Variants in CUTC observed in about 807,000 individuals in gnomAD.
The protein encoded by CUTC is copper homeostasis protein cutC homolog.
CUTC carries 27 observed loss-of-function variants against 36.2 expected under a neutral mutation model. The ratio of observed to expected loss-of-function variants is 0.75; its 90% confidence interval spans 0.55 to 1.03. The LOEUF is 1.03. Among genes scored for constraint, CUTC ranks in the 50% least tolerant of loss-of-function variants. CUTC has a pLI of 0.00. For missense variants in CUTC, 315 were observed against 343.5 expected, an observed-to-expected ratio of 0.92 and a Z score of 0.66; for synonymous variants, 114 against 118.3, an observed-to-expected ratio of 0.96 and a Z score of 0.24.
chr10:99,734,189 C>T (rs2037271812), intron 1 of CUTC, among the ~76,000 whole-genome samples: 1 of 151,718 alleles, frequency 6.6e-6, no homozygotes, highest in Non-Finnish European at 1.5e-5. Flanking sequence ...CCTGCCTCAG[C>T]CTCCTGAATA....
At chr10:99,745,421 A>G (rs2037371348) in intron 5 of CUTC, among the ~76,000 whole-genome samples, 2 of 152,208 alleles carry the variant, frequency 1.3e-5, no homozygotes, top group African/African-American at 4.8e-5. Flanking sequence ...GTCCCAGAGG[A>G]CCACTACCAC....
At chr10:99,755,534 T>C in intron 8 of CUTC, 91 bp from the exon 9 acceptor site, 1 of 770,574 alleles carries the variant, frequency 1.3e-6, no homozygotes, top group Non-Finnish European at 2.2e-6. Context: ...TGACCTACCC[T>C]TGTATCATGA....
intron 6 of CUTC, among the ~76,000 whole-genome samples, chr10:99,749,364 T>A (rs930479448): frequency 3.9e-5 from 6 of 152,276 alleles, no homozygotes; most frequent in Admixed American, 3.3e-4. Flanking sequence ...CTAGAATAGT[T>A]GTGAGGGATT....
chr10:99,754,636 T>TA lies in CUTC; in HGVS notation c.707+7dup, dbSNP rs761544266. On this transcript the variant is annotated splice_region_variant and intron_variant, in intron 8 of 8. Transcript: ENST00000370476. ...TAGAGACTCGGGAATGAAGTTTCGG[T>TA]AAAAATGTATTCTTCGATTCAAATA... 24 of 1,587,844 alleles carry TA rather than the reference T, an allele frequency of 1.5e-5. No individual in the cohort carries two copies. In the African/African-American group the frequency reaches 3.2e-4, roughly 21 times the overall value.
intron 1 of CUTC, among the ~76,000 whole-genome samples, chr10:99,734,367 G>A (rs72832527): frequency 1.1e-4 from 17 of 152,220 alleles, no homozygotes; most frequent in Non-Finnish European, 2.2e-4. Context: ...GCGCCGGACA[G>A]GGACTGATAG....
chr10:99,743,922 C>G (rs1266046676), intron 4 of CUTC, 115 bp from the exon 5 acceptor site: 4 of 664,032 alleles, frequency 6.0e-6, no homozygotes, highest in Non-Finnish European at 9.7e-6. Flanking sequence ...TGTCAGTTTA[C>G]TGTCTTGTTA....
At chr10:99,746,958 G>A (rs1045696100) in intron 5 of CUTC, among the ~76,000 whole-genome samples, 2 of 151,978 alleles carry the variant, frequency 1.3e-5, no homozygotes, top group African/African-American at 4.8e-5. Flanking sequence ...TGTAGATATG[G>A]GGTCTTGCCA....
At chr10:99,751,430 G>A (rs1305548731) in intron 7 of CUTC, among the ~76,000 whole-genome samples, 5 of 152,128 alleles carry the variant, frequency 3.3e-5, no homozygotes, top group Non-Finnish European at 4.4e-5. Context: ...AGCCTCAAGC[G>A]ATCCTCCTGC....
intron 2 of CUTC, among the ~76,000 whole-genome samples, chr10:99,738,763 T>A (rs1203267408): frequency 6.6e-6 from 1 of 152,162 alleles, no homozygotes; most frequent in African/African-American, 2.4e-5. Context: ...CAGGAGGACA[T>A]AACATGTTGG....
intron 3 of CUTC, among the ~76,000 whole-genome samples, chr10:99,742,067 A>G (rs1231237541): frequency 6.6e-6 from 1 of 152,178 alleles, no homozygotes; most frequent in African/African-American, 2.4e-5. Context: ...GCTTTGGCCT[A>G]GAAACTCTCA....
chr10:99,738,494 TGTAA>T (rs1443495540), intron 2 of CUTC, among the ~76,000 whole-genome samples: 2 of 152,196 alleles, frequency 1.3e-5, no homozygotes, highest in Admixed American at 6.5e-5. Context: ...TCTTTAAATC[TGTAA>T]GTTTCTCCTG....
chr10:99,747,497 C>T, intron 6 of CUTC, 107 bp downstream of exon 6: 2 of 1,297,820 alleles, frequency 1.5e-6, no homozygotes, highest in South Asian at 2.8e-5. Context: ...TTTGTGGTTA[C>T]TCTGTAGGAA....
At chr10:99,737,199 G>A (rs1022177869) in intron 2 of CUTC, among the ~76,000 whole-genome samples, 4 of 151,828 alleles carry the variant, frequency 2.6e-5, no homozygotes, top group Non-Finnish European at 4.4e-5. Context: ...GAGTCCAGGA[G>A]GCAGAGGCTG....
chr10:99,740,407 G>T (rs191480978), intron 3 of CUTC, among the ~76,000 whole-genome samples: 1 of 144,390 alleles, frequency 6.9e-6, no homozygotes, highest in African/African-American at 2.6e-5. Context: ...AGGTATTTTT[G>T]CTGGGTATAG....
Position 99,736,181 on chromosome 10 carries a change from T to C in CUTC, c.62-65T>C, listed in dbSNP as rs114434453. ...ATTTTGGCAGCAGAATGTAAACCCTTTGTGGTAAATTGGTCTGGATGGATA... is the reference window on the plus strand; with the variant it reads ...ATTTTGGCAGCAGAATGTAAACCCTCTGTGGTAAATTGGTCTGGATGGATA... On this transcript the variant is annotated intron_variant, in intron 1 of 8. Transcript: ENST00000370476. 2.6e-4 allele frequency: 359 copies of C among 1,360,776 alleles called. No individual in the cohort carries two copies. In the African/African-American group the frequency reaches 4.2e-3, roughly 16 times the overall value. 84.3% of individuals were successfully genotyped at this position (1,360,776 alleles called of 1,614,324 possible).
Position 99,739,754 on chromosome 10 carries a change from A to G in CUTC, c.178A>G (p.Thr60Ala), listed in dbSNP as rs781062722. The change falls in exon 3 of 9, where the codon ACT becomes GCT. Residue 60 changes from threonine (T) to alanine (A), a missense_variant. By Grantham distance (58) the Thr-to-Ala change is moderately conservative (BLOSUM62 0). Transcript: ENST00000370476. Reference sequence around the variant, plus strand: ...ATGTTCTGGTTTATCAGAGGGGGGAACTACACCCAGCATGGGTAAGTGTCC... The same window carrying G: ...ATGTTCTGGTTTATCAGAGGGGGGAGCTACACCCAGCATGGGTAAGTGTCC... ...ELCSGLSEGG[T>A]TPSMGVLQVV... 6 of 1,610,912 alleles carry G rather than the reference A, an allele frequency of 3.7e-6. No individual in the cohort carries two copies. The highest frequency in any genetic ancestry group is 2.2e-5 in the South Asian group (2 of 90,328).
chr10:99,733,093 G>C (rs942096841), intron 1 of CUTC, among the ~76,000 whole-genome samples: 12 of 152,146 alleles, frequency 7.9e-5, no homozygotes, highest in African/African-American at 2.9e-4. Flanking sequence ...CAGATCATCT[G>C]AGCTCAGGAG....
intron 3 of CUTC, 32 bp downstream of exon 3, chr10:99,739,801 T>G: frequency 6.3e-7 from 1 of 1,591,618 alleles, no homozygotes; most frequent in Non-Finnish European, 8.6e-7. Flanking sequence ...GTTTTCTGAT[T>G]GGAGTTCATA....
In CUTC at chr10:99,755,616, CT is replaced by C; in HGVS notation, c.708-8del. ...ATAATTATCTGTTCCTTTATTATTT[CT>C]GTTACAGAAATTCATCTGTTGCCAT... On this transcript the variant is annotated splice_polypyrimidine_tract_variant and splice_region_variant and intron_variant, in intron 8 of 8. Coordinates refer to ENST00000370476, the MANE Select transcript of CUTC (RefSeq NM_015960.3). The C allele has an allele frequency of 6.4e-7, 1 of 1,561,524 alleles. No homozygotes were observed.
Sources: allele counts gnomAD v4.1 joint callset (sites outside exome capture counted in the v4.1 genomes callset), GRCh38; gene constraint gnomAD v4.1.1; transcripts MANE v1.5; gene names NCBI Gene and HGNC (gene_info 2026-07-23, HGNC 2026-07-21).